SEMA3C: variants seen among roughly 807,000 people sequenced by gnomAD.
SEMA3C encodes semaphorin 3C.
SEMA3C carries 47 observed loss-of-function variants against 89.4 expected under a neutral mutation model. That is an observed-to-expected ratio of 0.53 (90% CI 0.42 to 0.67). The LOEUF (loss-of-function observed/expected upper bound fraction) is 0.67, where lower values mean the gene tolerates loss of function less well. Among genes scored for constraint, SEMA3C ranks in the 30% least tolerant of loss-of-function variants. The probability of loss-of-function intolerance (pLI) is 0.00; values close to 1 mark genes in which losing one functional copy is unlikely to be tolerated. For missense variants in SEMA3C, 839 were observed against 929.1 expected (o/e 0.90, Z 1.26); for synonymous variants, 310 against 320.2 (o/e 0.97, Z 0.34).
At chr7:80,862,336 T>C (rs1790791545) in intron 2 of SEMA3C, among the ~76,000 whole-genome samples, 1 of 151,936 alleles carries the variant, frequency 6.6e-6, no homozygotes, top group South Asian at 2.1e-4. Context: ...AACCACTTTT[T>C]CAATAGCTGC....
intron 2 of SEMA3C, among the ~76,000 whole-genome samples, chr7:80,884,598 G>C (rs1228270806): frequency 1.3e-5 from 2 of 152,202 alleles, no homozygotes; most frequent in East Asian, 3.9e-4. Context: ...GGAAACTTCA[G>C]CTTTTGAGGG....
chr7:80,817,039 T>C (rs556634662), intron 5 of SEMA3C, among the ~76,000 whole-genome samples: 365 of 152,332 alleles, frequency 2.4e-3, no homozygotes, highest in Non-Finnish European at 4.6e-3. Flanking sequence ...ACTTAATCAA[T>C]TGATCACAGG....
intron 4 of SEMA3C, 101 bp from the exon 5 acceptor site, chr7:80,818,519 G>A: frequency 7.4e-7 from 1 of 1,354,836 alleles, no homozygotes; most frequent in Non-Finnish European, 1.0e-6. Flanking sequence ...GTAACAATGA[G>A]GTGACATAAA....
At chr7:80,796,925 T>A in intron 11 of SEMA3C, among the ~76,000 whole-genome samples, 1 of 152,074 alleles carries the variant, frequency 6.6e-6, no homozygotes, top group East Asian at 1.9e-4. Flanking sequence ...AACATTGGTA[T>A]AATTTAAGAA....
At chr7:80,850,367 G>A (rs1790483294) in intron 2 of SEMA3C, among the ~76,000 whole-genome samples, 1 of 152,120 alleles carries the variant, frequency 6.6e-6, no homozygotes, top group South Asian at 2.1e-4. Flanking sequence ...AACGGAAATG[G>A]TATGAATGTC....
intron 15 of SEMA3C, 72 bp downstream of exon 15, chr7:80,758,259 T>C (rs1457445271): frequency 6.7e-7 from 1 of 1,493,168 alleles, no homozygotes; most frequent in Non-Finnish European, 9.1e-7. Flanking sequence ...GAACTAATTC[T>C]AAAGATGTGA....
At chr7:80,907,155 G>C (rs1034499364) in intron 2 of SEMA3C, among the ~76,000 whole-genome samples, 1 of 152,032 alleles carries the variant, frequency 6.6e-6, no homozygotes, top group African/African-American at 2.4e-5. Context: ...AAATGGAATT[G>C]ATGCAATTAT....
intron 2 of SEMA3C, among the ~76,000 whole-genome samples, chr7:80,877,771 AT>A (rs1562919683): frequency 6.6e-6 from 1 of 152,082 alleles, no homozygotes; most frequent in African/African-American, 2.4e-5. Flanking sequence ...TGTAATAAGG[AT>A]TTTATATTTT....
intron 2 of SEMA3C, among the ~76,000 whole-genome samples, chr7:80,916,002 C>G (rs561825507): frequency 1.3e-5 from 2 of 152,128 alleles, no homozygotes; most frequent in Non-Finnish European, 2.9e-5. Context: ...GTCCTTTGAA[C>G]TATATACATT....
chr7:80,809,445 A>G (rs1271548339), intron 6 of SEMA3C, among the ~76,000 whole-genome samples: 1 of 152,176 alleles, frequency 6.6e-6, no homozygotes, highest in African/African-American at 2.4e-5. Context: ...TACCCAGAAG[A>G]GGAAATGCTG....
At chr7:80,888,867 A>G (rs1218850706) in intron 2 of SEMA3C, among the ~76,000 whole-genome samples, 1 of 151,514 alleles carries the variant, frequency 6.6e-6, no homozygotes, top group Non-Finnish European at 1.5e-5. Flanking sequence ...ATGCATTTTA[A>G]TTTTTTTTTC....
intron 5 of SEMA3C, among the ~76,000 whole-genome samples, chr7:80,811,918 T>C (rs1226772822): frequency 6.6e-6 from 1 of 152,194 alleles, no homozygotes; most frequent in Non-Finnish European, 1.5e-5. Context: ...TCAGTTATAA[T>C]TCAGTGGTTC....
intron 2 of SEMA3C, among the ~76,000 whole-genome samples, chr7:80,860,613 T>C (rs1423960301): frequency 2.0e-5 from 3 of 152,176 alleles, no homozygotes; most frequent in South Asian, 4.1e-4. Context: ...GAGAGCAAGA[T>C]CTAAGCTTAA....
intron 2 of SEMA3C, among the ~76,000 whole-genome samples, chr7:80,866,710 C>A (rs1456758419): frequency 6.6e-6 from 1 of 152,048 alleles, no homozygotes; most frequent in Non-Finnish European, 1.5e-5. Flanking sequence ...GAGCTTCTTA[C>A]AACTTAATAG....
At chr7:80,825,922 T>C (rs1348869416) in intron 4 of SEMA3C, among the ~76,000 whole-genome samples, 2 of 152,230 alleles carry the variant, frequency 1.3e-5, no homozygotes, top group Non-Finnish European at 2.9e-5. Flanking sequence ...TGTATTTGTT[T>C]AAGTGTTTCT....
intron 2 of SEMA3C, among the ~76,000 whole-genome samples, chr7:80,838,390 C>A (rs999998569): frequency 2.0e-5 from 3 of 152,156 alleles, no homozygotes; most frequent in African/African-American, 7.2e-5. Context: ...ACTGCTTACA[C>A]ATATTATCTA....
chr7:80,892,680 T>G (rs1791644400), intron 2 of SEMA3C, among the ~76,000 whole-genome samples: 1 of 152,164 alleles, frequency 6.6e-6, no homozygotes. Context: ...AAATAAGACA[T>G]GTTGTCTAAC....
At chr7:80,819,076 C>A (rs934841497) in intron 4 of SEMA3C, among the ~76,000 whole-genome samples, 7 of 152,180 alleles carry the variant, frequency 4.6e-5, no homozygotes, top group South Asian at 2.1e-4. Flanking sequence ...TTTTCTATTT[C>A]TGTTTTAATC....
At chr7:80,767,804 C>G (rs1215634930) in intron 12 of SEMA3C, among the ~76,000 whole-genome samples, 1 of 152,130 alleles carries the variant, frequency 6.6e-6, no homozygotes, top group Non-Finnish European at 1.5e-5. Flanking sequence ...AATTTCAAAT[C>G]TCACATCTCA....
Sources: allele counts gnomAD v4.1 joint callset (sites outside exome capture counted in the v4.1 genomes callset), GRCh38; gene constraint gnomAD v4.1.1; transcripts MANE v1.5; gene names NCBI Gene and HGNC (gene_info 2026-07-23, HGNC 2026-07-21).